The following CRYBG2 variants were observed in gnomAD, a reference collection of about 807,000 sequenced individuals.
The protein encoded by CRYBG2 is beta/gamma crystallin domain-containing protein 2.
In CRYBG2, 106 loss-of-function variants were observed where a neutral mutation model predicts 153.4. The observed-to-expected ratio is 0.69, with a 90% CI of 0.59 to 0.81. The LOEUF (loss-of-function observed/expected upper bound fraction) is 0.81. CRYBG2 is among the 30% of genes least tolerant of loss of function. The pLI is 0.00. For missense variants in CRYBG2, 1,996 were observed against 2,112.0 expected (o/e 0.95, Z 1.08); for synonymous variants, 851 against 877.8 (o/e 0.97, Z 0.54).
At chr1:26,324,475 T>G (rs1223118772) in intron 17 of CRYBG2, among the ~76,000 whole-genome samples, 165 bp from the exon 18 acceptor site, 1 of 144,314 alleles carries the variant, frequency 6.9e-6, no homozygotes, top group East Asian at 2.0e-4. Context: ...TACACACACA[T>G]ACGGAGAGCA....
At chr1:26,338,088 G>T in intron 7 of CRYBG2, 41 bp from the exon 8 acceptor site, 1 of 1,608,306 alleles carries the variant, frequency 6.2e-7, no homozygotes, top group Non-Finnish European at 8.5e-7. Flanking sequence ...CCAGAGATGG[G>T]AAAGACAGAT....
At chr1:26,353,863 C>T (rs1389634321) in intron 1 of CRYBG2, among the ~76,000 whole-genome samples, 173 bp downstream of exon 1, 1 of 152,142 alleles carries the variant, frequency 6.6e-6, no homozygotes, top group Non-Finnish European at 1.5e-5. Flanking sequence ...CAGGAGGTAG[C>T]CTGTGGGCAA....
At chr1:26,350,465 A>G (rs1389334706) in intron 1 of CRYBG2, among the ~76,000 whole-genome samples, 1 of 152,194 alleles carries the variant, frequency 6.6e-6, no homozygotes, top group Non-Finnish European at 1.5e-5. Context: ...GAGACCTCAT[A>G]AAGAATAAAT....
intron 16 of CRYBG2, 129 bp downstream of exon 16, chr1:26,328,605 T>C: frequency 7.2e-7 from 1 of 1,386,024 alleles, no homozygotes; most frequent in Non-Finnish European, 9.7e-7. Flanking sequence ...TTCTCCCTCC[T>C]TCCTGGCTTG....
chr1:26,331,680 C>A, intron 14 of CRYBG2, 62 bp from the exon 15 acceptor site: 1 of 1,589,562 alleles, frequency 6.3e-7, no homozygotes, highest in Non-Finnish European at 8.6e-7. Flanking sequence ...GCCCAGGTTC[C>A]CCTGAGATAC....
At chr1:26,335,428 G>A (rs2074042915) in intron 14 of CRYBG2, among the ~76,000 whole-genome samples, 3 of 152,052 alleles carry the variant, frequency 2.0e-5, no homozygotes, top group Non-Finnish European at 4.4e-5. Flanking sequence ...GGTGAGCTGA[G>A]ATCGCGCCAC....
At chr1:26,353,007 G>A (rs1324194030) in intron 1 of CRYBG2, among the ~76,000 whole-genome samples, 1 of 151,998 alleles carries the variant, frequency 6.6e-6, no homozygotes, top group Non-Finnish European at 1.5e-5. Context: ...AAACCCTGGA[G>A]CCCACACAGC....
intron 5 of CRYBG2, among the ~76,000 whole-genome samples, chr1:26,340,551 A>T (rs1570193536): frequency 2.0e-5 from 3 of 152,286 alleles, no homozygotes; most frequent in Admixed American, 2.0e-4. Context: ...TCAGAAGTTC[A>T]CAATTAATTG....
Position 26,336,245 on chromosome 1 carries a change from A to T in CRYBG2, c.4072-38T>A. ...AGGGGAGATGAGGGGAAGGAGGACG[A>T]TGGAGTGGGGCCGAGAACAGCGGGG... On this transcript the variant is annotated intron_variant, in intron 13 of 19. Transcript: ENST00000308182. The surrounding 1 kb of genome is among the most constrained non-coding windows in gnomAD (Gnocchi z 4.9). The T allele has an allele frequency of 6.3e-7, 1 of 1,583,182 alleles. No individual in the cohort carries two copies. Among genetic ancestry groups the T allele is most frequent in the East Asian group, 2.3e-5 (1 of 43,344 alleles).
chr1:26,345,983 T>C lies in CRYBG2; in HGVS notation c.675A>G (p.Pro225=), dbSNP rs1429028058. The change falls in exon 2 of 20, where the codon CCA becomes CCG. Residue 225 remains proline (P), a synonymous_variant. Transcript: ENST00000308182. ...CCTGGCTGCGGCTGGGCGAGCCTGGTGGGGAGCCCACCACCACTGGCGGCA... is the reference window on the plus strand; with the variant it reads ...CCTGGCTGCGGCTGGGCGAGCCTGGCGGGGAGCCCACCACCACTGGCGGCA... ...RMVPPVVVGS[P]PGSPSRSQAV... is the part of the protein sequence containing the mutation. The C allele has an allele frequency of 3.1e-6, 5 of 1,593,494 alleles. No homozygotes were observed. The Admixed American group carries it at 5.0e-5, about 16-fold the overall frequency.
rs1350935092 is a variant in CRYBG2, at chr1:26,321,939, T to TCACC, written c.*28_*29insGGTG. On this transcript the variant is annotated 3_prime_UTR_variant, in exon 20 of 20. Coordinates refer to ENST00000308182, the MANE Select transcript of CRYBG2 (RefSeq NM_001039775.4). Reference sequence around the variant, plus strand: ...AAAAACATTCATCCCAGCAAAAGCCTCCAGGGCTGGAGGGTGAGGGGAAAA... The same window carrying TCACC: ...AAAAACATTCATCCCAGCAAAAGCCTCACCCCAGGGCTGGAGGGTGAGGGGAAAA... 2.0e-6 allele frequency: 3 copies of TCACC among 1,506,864 alleles called. No individual in the cohort carries two copies. The highest frequency in any genetic ancestry group is 2.7e-6 in the Non-Finnish European group (3 of 1,121,994). The allele number at this position is 1,506,864 out of a possible 1,614,324, so 93.3% of individuals were successfully genotyped here. A position where few individuals can be genotyped will look rare whatever the true frequency, so the allele number is the denominator to read the frequency against.
intron 15 of CRYBG2, among the ~76,000 whole-genome samples, chr1:26,330,693 C>A (rs529448953): frequency 7.2e-5 from 11 of 152,020 alleles, no homozygotes; most frequent in Admixed American, 1.3e-4. Flanking sequence ...CGTGCACCAC[C>A]ACACCTGGCT....
At position 26,324,320 on chromosome 1, in the gene CRYBG2, G is replaced by A. The variant is rs377422948; in HGVS notation, c.4579-10C>T. 4.7e-5 allele frequency: 75 copies of A among 1,598,262 alleles called. No individual in the cohort carries two copies. Among genetic ancestry groups the A allele is most frequent in the Non-Finnish European group, 6.0e-5 (71 of 1,175,808 alleles). ...GGAAATAAACCCGGCGCTGGTGGCA[G>A]AAAGAGGCTGAGAGTCAGGGGTGCC... is the stretch of plus-strand genomic sequence containing the variant. On this transcript the variant is annotated splice_polypyrimidine_tract_variant and intron_variant, in intron 17 of 19. Coordinates refer to ENST00000308182, the MANE Select transcript of CRYBG2 (RefSeq NM_001039775.4).
Position 26,344,742 on chromosome 1 carries a change from C to G in CRYBG2, c.1916G>C (p.Gly639Ala). ...KSTEVVQGPK[G>A]SSSIQKEAVQ... ...AGCCTCTTTTTGGATGCTACTGCTG[C>G]CTTTTGGGCCCTGGACAACCTCAGT... The change falls in exon 2 of 20, where the codon GGC (glycine) becomes GCC (alanine). Residue 639 changes from glycine (G) to alanine (A), a missense_variant. Physicochemically the swap from Gly to Ala is moderately conservative, Grantham distance 60. Transcript: ENST00000308182. 1 of 1,535,642 alleles carries G rather than the reference C, an allele frequency of 6.5e-7. No homozygotes were observed. The highest frequency in any genetic ancestry group is 8.7e-7 in the Non-Finnish European group (1 of 1,146,590).
intron 10 of CRYBG2, 22 bp downstream of exon 10, chr1:26,337,231 T>A (rs1394821035): frequency 6.2e-7 from 1 of 1,613,490 alleles, no homozygotes; most frequent in Non-Finnish European, 8.5e-7. Context: ...GGCAGAGGGA[T>A]GGGCCAATTG....
At position 26,345,117 on chromosome 1, in the gene CRYBG2, A is replaced by G. The variant is rs1013010824; in HGVS notation, c.1541T>C (p.Val514Ala). 16 of 1,032,642 alleles carry G rather than the reference A, an allele frequency of 1.5e-5. No homozygotes were observed. Among genetic ancestry groups the G allele is most frequent in the African/African-American group, 7.0e-5 (4 of 57,426 alleles). The allele number at this position is 1,032,642 out of a possible 1,614,324, so 64.0% of individuals were successfully genotyped here. A position where few individuals can be genotyped will look rare whatever the true frequency, so the allele number is the denominator to read the frequency against. The stretch of plus-strand genomic sequence containing the variant: ...AGCAGGAGCACTGGACCCCTGCACC[A>G]CCTCCTTCTGGGTGGGAGATGAGGC... ...PAASSPTQKEVVQGSSAPAAL... is the reference protein window; with the variant it reads ...PAASSPTQKEAVQGSSAPAAL... Residue 514 changes from valine (V) to alanine (A), a missense_variant, in exon 2 of 20, where the codon GTG becomes GCG. Val to Ala is a moderately conservative substitution (Grantham distance 64, BLOSUM62 0). Coordinates refer to ENST00000308182, the MANE Select transcript of CRYBG2 (RefSeq NM_001039775.4).
intron 17 of CRYBG2, 100 bp from the exon 18 acceptor site, chr1:26,324,410 C>A (rs1221440144): frequency 6.1e-6 from 8 of 1,313,706 alleles, no homozygotes; most frequent in Admixed American, 5.5e-5. Flanking sequence ...GGCTCCCAAG[C>A]CCTCCCTCCT....
chr1:26,330,418 C>G (rs2073985226), intron 15 of CRYBG2, among the ~76,000 whole-genome samples: 1 of 151,996 alleles, frequency 6.6e-6, no homozygotes, highest in Non-Finnish European at 1.5e-5. Context: ...TTGCCTGTTA[C>G]CAACTATGTG....
chr1:26,324,144 A>G lies in CRYBG2; in HGVS notation c.4737+8T>C. On this transcript the variant is annotated splice_region_variant and intron_variant, in intron 18 of 19. Transcript: ENST00000308182. ...AGGGTGTCCCTGTGCCAGCCCCTGT[A>G]TCAGTACCTGGTTCTTCAGCAGCCC... The G allele has an allele frequency of 1.9e-6, 3 of 1,611,944 alleles. No homozygotes were observed. Among genetic ancestry groups the G allele is most frequent in the East Asian group, 2.2e-5 (1 of 44,816 alleles).
Sources: allele counts gnomAD v4.1 joint callset (sites outside exome capture counted in the v4.1 genomes callset), GRCh38; gene constraint gnomAD v4.1.1; non-coding constraint Gnocchi (gnomAD v3.1); transcripts MANE v1.5; gene names NCBI Gene and HGNC (gene_info 2026-07-23, HGNC 2026-07-21).